The following KLF8 variants were observed in gnomAD, a reference collection of about 807,000 sequenced individuals.
KLF8 encodes KLF transcription factor 8, also known as Krueppel-like factor 8.
KLF8 carries 10 observed loss-of-function variants against 18.2 expected under a neutral mutation model. The ratio of observed to expected loss-of-function variants is 0.55; its 90% CI spans 0.34 to 0.93. The LOEUF (loss-of-function observed/expected upper bound fraction) is 0.93, where lower values mean the gene tolerates loss of function less well. Ranked by LOEUF, KLF8 falls within the 40% of genes least tolerant of loss-of-function variation. KLF8 has a pLI of 0.02. For missense variants in KLF8, 264 were observed against 277.9 expected (o/e 0.95, Z 0.36); for synonymous variants, 109 against 97.3 (o/e 1.12, Z -0.71).
the KLF8 span, among the ~76,000 whole-genome samples, chrX:56,077,070 A>T: frequency 3.6e-5 from 4 of 110,771 alleles, no homozygotes; most frequent in Non-Finnish European, 7.6e-5. Context: ...GGTTACAAAA[A>T]TTTTCTCCCA....
the KLF8 span, among the ~76,000 whole-genome samples, chrX:56,045,893 G>C: frequency 9.0e-6 from 1 of 111,660 alleles, no homozygotes; most frequent in East Asian, 2.8e-4. Flanking sequence ...TTGAATAGAA[G>C]TGGTGAAAGC....
At chrX:56,219,871 G>C in the KLF8 span, among the ~76,000 whole-genome samples, 1 of 111,686 alleles carries the variant, frequency 9.0e-6, no homozygotes, top group Non-Finnish European at 1.9e-5. Context: ...AGAAAAACTG[G>C]TAAAAGGTTG....
chrX:56,184,334 T>G, the KLF8 span, among the ~76,000 whole-genome samples: 2 of 112,313 alleles, frequency 1.8e-5, no homozygotes, highest in Admixed American at 1.9e-4. Flanking sequence ...GCACCCGCCA[T>G]TGCCCGGGCT....
At chrX:56,038,964 A>G in the KLF8 span, among the ~76,000 whole-genome samples, 1 of 112,258 alleles carries the variant, frequency 8.9e-6, no homozygotes, top group Non-Finnish European at 1.9e-5. Context: ...ATGATCAGTG[A>G]CGGTGAGCTT....
At chrX:56,048,361 G>C in the KLF8 span, among the ~76,000 whole-genome samples, 1 of 111,763 alleles carries the variant, frequency 8.9e-6, no homozygotes, top group African/African-American at 3.3e-5. Flanking sequence ...GTCCTGAATG[G>C]TATTGCCTCA....
chrX:56,080,780 G>A, the KLF8 span, among the ~76,000 whole-genome samples: 6 of 111,498 alleles, frequency 5.4e-5, no homozygotes, highest in African/African-American at 1.6e-4. Flanking sequence ...TCACTTTCAG[G>A]TATGCCAGTC....
chrX:56,190,408 A>C, the KLF8 span, among the ~76,000 whole-genome samples: 1 of 111,895 alleles, frequency 8.9e-6, no homozygotes, highest in African/African-American at 3.2e-5. Flanking sequence ...CTTTTTCAGT[A>C]TTAGACAGAT....
chrX:56,204,183 C>T, the KLF8 span, among the ~76,000 whole-genome samples: 10 of 111,433 alleles, frequency 9.0e-5, no homozygotes, highest in South Asian at 3.7e-4. Context: ...TTTTGTGTGG[C>T]CATTGTAAAT....
chrX:56,271,517 C>T (rs986283227), intron 5 of KLF8, among the ~76,000 whole-genome samples: 3 of 111,092 alleles, frequency 2.7e-5, no homozygotes, highest in Non-Finnish European at 5.7e-5. Flanking sequence ...AGGAAGCCCT[C>T]CTTTCTTGTA....
At chrX:56,078,697 G>A in the KLF8 span, among the ~76,000 whole-genome samples, 3 of 111,780 alleles carry the variant, frequency 2.7e-5, no homozygotes, top group Non-Finnish European at 5.6e-5. Flanking sequence ...CTATTGACTG[G>A]AATGATTTCA....
chrX:56,204,217 A>T, the KLF8 span, among the ~76,000 whole-genome samples: 2 of 111,882 alleles, frequency 1.8e-5, no homozygotes, highest in Non-Finnish European at 3.8e-5. Context: ...AATGTTTTTC[A>T]GACTGTTCAC....
At chrX:56,166,067 A>G in the KLF8 span, among the ~76,000 whole-genome samples, 2 of 110,625 alleles carry the variant, frequency 1.8e-5, no homozygotes, top group African/African-American at 6.6e-5. Context: ...TGCTCTTTGA[A>G]GTAAAACAGC....
chrX:56,036,153 A>G, the KLF8 span, among the ~76,000 whole-genome samples: 1 of 111,569 alleles, frequency 9.0e-6, no homozygotes. Flanking sequence ...GGTACATAGT[A>G]GTATTTTGAT....
the KLF8 span, among the ~76,000 whole-genome samples, chrX:55,916,744 C>T: frequency 3.6e-5 from 4 of 111,762 alleles, no homozygotes; most frequent in Non-Finnish European, 7.5e-5. Flanking sequence ...CTGTGTTTCC[C>T]GTTTGTGGGT....
At chrX:56,126,380 A>C in the KLF8 span, among the ~76,000 whole-genome samples, 1 of 112,134 alleles carries the variant, frequency 8.9e-6, no homozygotes, top group African/African-American at 3.2e-5. Flanking sequence ...TCTCTCTTTT[A>C]GAATATCATA....
the KLF8 span, among the ~76,000 whole-genome samples, chrX:56,003,460 T>C: frequency 1.8e-5 from 2 of 110,242 alleles, no homozygotes; most frequent in Non-Finnish European, 3.8e-5. Flanking sequence ...AAGTCTGAAC[T>C]TTATTTCAAG....
the KLF8 span, among the ~76,000 whole-genome samples, chrX:56,037,639 A>G: frequency 2.7e-5 from 3 of 109,712 alleles, no homozygotes; most frequent in Non-Finnish European, 5.7e-5. Context: ...TCTTGGTTCA[A>G]TCCTTTTTAT....
At chrX:56,262,575 T>C (rs1403912252) in intron 2 of KLF8, among the ~76,000 whole-genome samples, 2 of 111,846 alleles carry the variant, frequency 1.8e-5, no homozygotes, top group Admixed American at 9.5e-5. Flanking sequence ...AAATCTTTTC[T>C]TAATTTCAGT....
intron 5 of KLF8, among the ~76,000 whole-genome samples, chrX:56,281,455 G>A (rs1299625206): frequency 1.8e-5 from 2 of 112,032 alleles, no homozygotes; most frequent in Non-Finnish European, 1.9e-5. Context: ...TGTCGCCCAG[G>A]CTGGAGTGCA....
Sources: gnomAD v4.1 joint callset for allele counts (sites outside exome capture counted in the v4.1 genomes callset) on GRCh38, gnomAD v4.1.1 for gene constraint, MANE v1.5 for transcripts, NCBI Gene and HGNC (gene_info 2026-07-23, HGNC 2026-07-21) for gene names.